HEATR4: variants seen among roughly 807,000 people sequenced by gnomAD.
The protein encoded by HEATR4 is HEAT repeat-containing protein 4.
Under a neutral mutation model 108.8 loss-of-function variants are expected in HEATR4, and 95 were observed. The ratio of observed to expected loss-of-function variants is 0.87; its 90% CI spans 0.74 to 1.04. The LOEUF (loss-of-function observed/expected upper bound fraction) is 1.04, where lower values mean the gene tolerates loss of function less well. Ranked by LOEUF, HEATR4 falls within the 50% of genes least tolerant of loss-of-function variation. The probability of loss-of-function intolerance (pLI) is 0.00; values close to 1 mark genes in which losing one functional copy is unlikely to be tolerated. For synonymous variants in HEATR4, 443 were observed against 459.4 expected, an observed-to-expected ratio of 0.96 and a Z score of 0.46; for missense variants, 1,152 against 1,253.8, an observed-to-expected ratio of 0.92 and a Z score of 1.23.
Position 73,492,007 on chromosome 14 carries a change from G to C in HEATR4, c.2844+1059C>G, listed in dbSNP as rs756533980. The C allele has an allele frequency of 1.9e-6, 3 of 1,613,788 alleles. No individual in the cohort carries two copies. The African/African-American group carries it at 4.0e-5, about 22-fold the overall frequency. On this transcript the variant is annotated intron_variant, in intron 17 of 17. Transcript: ENST00000553558. The surrounding 1 kb of genome is among the most constrained non-coding windows in gnomAD (Gnocchi z 4.9). ...TGGCAGGCTCCAACGTTTACCTCACGCCCCCTAACTCGCAGGGCTTTGCCC... is the reference window on the plus strand; with the variant it reads ...TGGCAGGCTCCAACGTTTACCTCACCCCCCCTAACTCGCAGGGCTTTGCCC...
the HEATR4 span, chr14:73,569,076 T>C: frequency 2.1e-5 from 18 of 856,992 alleles, no homozygotes; most frequent in Admixed American, 2.7e-5. Context: ...ACCTAGGAAG[T>C]AGCTTTCCAA....
Position 73,557,090 on chromosome 14 carries a change from A to G in HEATR4, c.-152+1661T>C, listed in dbSNP as rs12880771. 1.7e-3 allele frequency among the ~76,000 whole-genome samples: 199 copies of G among 113,730 alleles called. 66 individuals carry two copies. The highest frequency in any genetic ancestry group is 1.9e-3 in the Non-Finnish European group (100 of 51,890). The allele number at this position is 113,730 out of a possible 152,430, so 74.6% of individuals were successfully genotyped here. A position where few individuals can be genotyped will look rare whatever the true frequency, so the allele number is the denominator to read the frequency against. On this transcript the variant is annotated intron_variant, in intron 1 of 17. Transcript: ENST00000553558. ...GTCCGGGGTCCTTTTGTACATAGAC[A>G]GCATAAAAAATTGACTAAGTCAATC...
rs139365340 is a variant in HEATR4, at chr14:73,517,734, G to A, written c.1210+1289C>T. On this transcript the variant is annotated intron_variant, in intron 5 of 17. Coordinates refer to ENST00000553558, the MANE Select transcript of HEATR4 (RefSeq NM_001220484.1). ...GAGGGGAAGGGGGAAGAGAGGAAAG[G>A]GAGACATGAAGGAAGGAAAGGGAGA... Among the ~76,000 whole-genome samples, 853 of 150,872 alleles carry A rather than the reference G, an allele frequency of 5.7e-3. 2 individuals carry two copies. The highest frequency in any genetic ancestry group is 0.01 in the Middle Eastern group (3 of 294).
chr14:73,613,211 C>T, the HEATR4 span, among the ~76,000 whole-genome samples: 1 of 152,178 alleles, frequency 6.6e-6, no homozygotes, highest in Admixed American at 6.5e-5. Context: ...GATCGTAGCT[C>T]ACACTGCAGC....
chr14:73,492,850 G>A lies in HEATR4; in HGVS notation c.2844+216C>T, dbSNP rs905113343. On this transcript the variant is annotated intron_variant, in intron 17 of 17. Transcript: ENST00000553558. This position sits in a 1 kb window ranked among gnomAD's most constrained non-coding sequence, Gnocchi z 4.9. ...CAGAGTTTGTGAGAGTGGGGGACCT[G>A]CCCTGTGACAGTGTGGAGGACCAGC... 3 of 1,613,952 alleles carry A rather than the reference G, an allele frequency of 1.9e-6. No individual in the cohort carries two copies. Among genetic ancestry groups the A allele is most frequent in the Non-Finnish European group, 2.5e-6 (3 of 1,179,870 alleles).
Position 73,532,975 on chromosome 14 carries a change from AAAAAG to A in HEATR4, c.-151-2736_-151-2732del, listed in dbSNP as rs1052059389. On this transcript the variant is annotated intron_variant, in intron 1 of 17. Coordinates refer to ENST00000553558, the MANE Select transcript of HEATR4 (RefSeq NM_001220484.1). ...ATCTCAAAAAAATAAATAAATAAAT[AAAAAG>A]AAAAGAAAAGTAAAGACTAAAAAAA... is the stretch of plus-strand genomic sequence containing the variant. Among the ~76,000 whole-genome samples, 10 of 113,042 alleles carry A rather than the reference AAAAAG, an allele frequency of 8.8e-5. 3 individuals are homozygous for A. Among genetic ancestry groups the A allele is most frequent in the African/African-American group, 2.0e-4 (7 of 34,740 alleles). The allele number at this position is 113,042 out of a possible 152,430, so 74.2% of individuals were successfully genotyped here. A position where few individuals can be genotyped will look rare whatever the true frequency, so the allele number is the denominator to read the frequency against.
intron 5 of HEATR4, among the ~76,000 whole-genome samples, chr14:73,515,049 CAG>C (rs772826352): frequency 7.0e-6 from 1 of 143,266 alleles, no homozygotes; most frequent in Non-Finnish European, 1.5e-5. Context: ...GCCTGGACGA[CAG>C]AGTGAGACTC....
chr14:73,554,677 C>T (rs978988791), intron 1 of HEATR4, among the ~76,000 whole-genome samples: 10 of 114,740 alleles, frequency 8.7e-5, no homozygotes, highest in South Asian at 2.7e-4. Flanking sequence ...TACATGTTCT[C>T]CTTTATGACA....
At chr14:73,625,302 C>T in the HEATR4 span, among the ~76,000 whole-genome samples, 6,556 of 152,140 alleles carry the variant, frequency 0.043, 173 homozygotes, top group Middle Eastern at 0.075. Flanking sequence ...TCATGATCCA[C>T]CCGCCTTGGC....
chr14:73,569,480 G>C, the HEATR4 span: 2 of 1,612,818 alleles, frequency 1.2e-6, no homozygotes, highest in East Asian at 2.2e-5. Context: ...GGGACGAACC[G>C]GTGCGAATCG....
In HEATR4 at chr14:73,551,825, A is replaced by C. The variant is rs1889329606; in HGVS notation, c.-152+6926T>G. On this transcript the variant is annotated intron_variant, in intron 1 of 17. Coordinates refer to ENST00000553558, the MANE Select transcript of HEATR4 (RefSeq NM_001220484.1). Reference sequence around the variant, plus strand: ...TCTCCGTCTTAAAAAAAAAAAAAAAACAGACAAAATGGCTATGTATGACCT... The same window carrying C: ...TCTCCGTCTTAAAAAAAAAAAAAAACCAGACAAAATGGCTATGTATGACCT... Among the ~76,000 whole-genome samples the C allele has an allele frequency of 3.6e-5, 4 of 109,706 alleles. 1 individual carries two copies. The highest frequency in any genetic ancestry group is 7.9e-5 in the Non-Finnish European group (4 of 50,946). 72.0% of individuals were successfully genotyped at this position (109,706 alleles called of 152,430 possible).
At chr14:73,629,849 G>A in the HEATR4 span, among the ~76,000 whole-genome samples, 37 of 151,740 alleles carry the variant, frequency 2.4e-4, no homozygotes, top group South Asian at 2.1e-3. Context: ...GGGTTTCACC[G>A]TGTTAGCCAG....
At chr14:73,590,085 T>C in the HEATR4 span, among the ~76,000 whole-genome samples, 17 of 152,278 alleles carry the variant, frequency 1.1e-4, no homozygotes, top group African/African-American at 3.8e-4. Context: ...TCCCGCAACG[T>C]AGAAAAGAAC....
chr14:73,633,069 A>G, the HEATR4 span, among the ~76,000 whole-genome samples: 1 of 148,588 alleles, frequency 6.7e-6, no homozygotes, highest in Non-Finnish European at 1.5e-5. Flanking sequence ...CAATGGCACA[A>G]TATCGGCTCA....
upstream of HEATR4, among the ~76,000 whole-genome samples, chr14:73,563,839 T>C (rs115183855): frequency 0.014 from 2,150 of 151,768 alleles, 59 homozygotes; most frequent in African/African-American, 0.049. Context: ...AATGAGGCCA[T>C]GCATGCCTGT....
At chr14:73,540,775 G>C (rs181276411) in intron 1 of HEATR4, among the ~76,000 whole-genome samples, 39 of 101,056 alleles carry the variant, frequency 3.9e-4, no homozygotes, top group African/African-American at 1.1e-3. Context: ...ACAGTGTCTC[G>C]CTCTTTCGCC....
At position 73,492,929 on chromosome 14, in the gene HEATR4, C is replaced by G. The variant is rs1326822142; in HGVS notation, c.2844+137G>C. On this transcript the variant is annotated intron_variant, in intron 17 of 17. Transcript: ENST00000553558. This position sits in a 1 kb window ranked among gnomAD's most constrained non-coding sequence, Gnocchi z 4.9. ...GGGGCTGCTGCTCACTAAGATGCCT[C>G]TAGCCCTAAATTAGTTTCTTGTTGA... The G allele has an allele frequency of 6.2e-7, 1 of 1,612,780 alleles. No homozygotes were observed. Among genetic ancestry groups the G allele is most frequent in the East Asian group, 2.2e-5 (1 of 44,840 alleles).
At chr14:73,479,435 C>CT (rs1566814183) in intron 17 of HEATR4, among the ~76,000 whole-genome samples, 25 of 89,724 alleles carry the variant, frequency 2.8e-4, no homozygotes, top group African/African-American at 1.1e-3. Flanking sequence ...TTCTTTCTTT[C>CT]TTTCTTTTTT....
the HEATR4 span, among the ~76,000 whole-genome samples, chr14:73,584,470 T>C: frequency 7.3e-5 from 11 of 151,104 alleles, 1 homozygote; most frequent in Non-Finnish European, 1.5e-4. Context: ...AGCCCAGAAT[T>C]CTTCAAGGAG....
Sources: allele counts gnomAD v4.1 joint callset (sites outside exome capture counted in the v4.1 genomes callset), GRCh38; gene constraint gnomAD v4.1.1; non-coding constraint Gnocchi (gnomAD v3.1); transcripts MANE v1.5; gene names NCBI Gene and HGNC (gene_info 2026-07-23, HGNC 2026-07-21).